The following LRRTM4 variants were observed in gnomAD, a reference collection of about 807,000 sequenced individuals.
LRRTM4 encodes the protein leucine-rich repeat transmembrane neuronal protein 4.
Under a neutral mutation model 47.6 loss-of-function variants are expected in LRRTM4, and 25 were observed. The observed-to-expected ratio is 0.53, with a 90% CI of 0.38 to 0.73. The LOEUF is 0.73. LRRTM4 is among the 30% of genes least tolerant of loss of function. The pLI, the probability that LRRTM4 is intolerant of heterozygous loss-of-function variation, is 0.00. For missense variants in LRRTM4, 638 were observed against 713.4 expected (o/e 0.89, Z 1.20); for synonymous variants, 311 against 269.5 (o/e 1.15, Z -1.51).
chr2:77,331,443 G>T (rs1255880483), intron 3 of LRRTM4, among the ~76,000 whole-genome samples: 1 of 152,162 alleles, frequency 6.6e-6, no homozygotes, highest in Non-Finnish European at 1.5e-5. Context: ...GAATTGGACA[G>T]GGAAAGACAC....
At chr2:76,957,479 T>C (rs1327325908) in intron 3 of LRRTM4, among the ~76,000 whole-genome samples, 2 of 151,828 alleles carry the variant, frequency 1.3e-5, no homozygotes, top group East Asian at 1.9e-4. Flanking sequence ...CTTTACTTGA[T>C]TTTAAAATCT....
intron 3 of LRRTM4, among the ~76,000 whole-genome samples, chr2:77,042,007 C>G (rs747891496): frequency 8.5e-6 from 1 of 117,120 alleles, no homozygotes; most frequent in South Asian, 2.5e-4. Flanking sequence ...CAAGAAAGAA[C>G]AAATAAACAT....
At chr2:77,382,444 T>C (rs1673089966) in intron 3 of LRRTM4, among the ~76,000 whole-genome samples, 1 of 152,050 alleles carries the variant, frequency 6.6e-6, no homozygotes, top group South Asian at 2.1e-4. Flanking sequence ...ACCCAAGAAA[T>C]TGTAAGTCAG....
chr2:76,807,010 A>G (rs1676002033), intron 3 of LRRTM4, among the ~76,000 whole-genome samples: 1 of 152,202 alleles, frequency 6.6e-6, no homozygotes, highest in South Asian at 2.1e-4. Context: ...ATCAGTGAAG[A>G]AAATTTAAAA....
At chr2:77,487,120 C>G (rs759239547) in intron 3 of LRRTM4, among the ~76,000 whole-genome samples, 1 of 152,194 alleles carries the variant, frequency 6.6e-6, no homozygotes, top group Non-Finnish European at 1.5e-5. Flanking sequence ...GTGAGAGAGG[C>G]GCAGCCAGGG....
intron 3 of LRRTM4, among the ~76,000 whole-genome samples, chr2:76,789,711 T>C (rs990446086): frequency 6.6e-6 from 1 of 152,184 alleles, no homozygotes; most frequent in South Asian, 2.1e-4. Context: ...GGAGGAGTGT[T>C]AATCTGGAAT....
chr2:76,837,801 T>A (rs541175877), intron 3 of LRRTM4, among the ~76,000 whole-genome samples: 1 of 151,954 alleles, frequency 6.6e-6, no homozygotes, highest in Non-Finnish European at 1.5e-5. Context: ...ATGGATGAAA[T>A]TGGAAATCAT....
chr2:76,994,589 T>C (rs1677134021), intron 3 of LRRTM4, among the ~76,000 whole-genome samples: 1 of 151,920 alleles, frequency 6.6e-6, no homozygotes, highest in Non-Finnish European at 1.5e-5. Context: ...TGCTTGTAAA[T>C]AGGATAAAAT....
intron 3 of LRRTM4, among the ~76,000 whole-genome samples, chr2:77,085,490 T>G (rs911866943): frequency 6.6e-6 from 1 of 151,888 alleles, no homozygotes; most frequent in African/African-American, 2.4e-5. Context: ...TTAAAATTAT[T>G]AAAGATTTAT....
chr2:77,469,720 A>C (rs201442041), intron 3 of LRRTM4, among the ~76,000 whole-genome samples: 2 of 2,944 alleles, frequency 6.8e-4, no homozygotes, highest in Admixed American at 6.3e-3. Flanking sequence ...GCATATATAT[A>C]TGTATAGCAT....
intron 3 of LRRTM4, among the ~76,000 whole-genome samples, chr2:77,392,715 G>A (rs1460478383): frequency 6.6e-6 from 1 of 152,002 alleles, no homozygotes; most frequent in African/African-American, 2.4e-5. Context: ...ACCAGAGGCT[G>A]TGGGCTGCAG....
At chr2:76,934,375 G>A (rs943305216) in intron 3 of LRRTM4, among the ~76,000 whole-genome samples, 3 of 152,118 alleles carry the variant, frequency 2.0e-5, no homozygotes, top group Non-Finnish European at 2.9e-5. Flanking sequence ...CCAGCATTTA[G>A]ATCCAGTCGT....
chr2:77,496,107 AT>A (rs1006055259), intron 3 of LRRTM4, among the ~76,000 whole-genome samples: 29 of 151,968 alleles, frequency 1.9e-4, no homozygotes, highest in African/African-American at 7.0e-4. Context: ...AGTACTTCAT[AT>A]TTTTATACTA....
intron 3 of LRRTM4, among the ~76,000 whole-genome samples, chr2:76,910,051 G>A (rs1481536187): frequency 6.6e-6 from 1 of 151,854 alleles, no homozygotes; most frequent in Non-Finnish European, 1.5e-5. Flanking sequence ...GAACACGTAT[G>A]TTTATTGTGG....
At position 77,521,833 on chromosome 2, in the gene LRRTM4, C is replaced by A. The variant is rs1245158806; in HGVS notation, c.-147-15G>T. ...CCCCATACAAACTTCCCCGAGAGGA[C>A]AGGCAAAAAAAAAAAAAAAAAATAC... On this transcript the variant is annotated splice_polypyrimidine_tract_variant and intron_variant, in intron 1 of 3. Transcript: ENST00000409884. The A allele has an allele frequency of 2.9e-4, 80 of 279,132 alleles. 1 individual carries two copies. The highest frequency in any genetic ancestry group is 1.7e-3 in the Middle Eastern group (3 of 1,728). 17.3% of individuals were successfully genotyped at this position (279,132 alleles called of 1,614,324 possible).
chr2:76,906,584 G>A (rs146310191), intron 3 of LRRTM4, among the ~76,000 whole-genome samples: 2 of 152,150 alleles, frequency 1.3e-5, no homozygotes, highest in African/African-American at 2.4e-5. Flanking sequence ...CCATCAGTCT[G>A]TTGTATTCAG....
intron 3 of LRRTM4, among the ~76,000 whole-genome samples, chr2:76,953,262 C>A (rs1453731678): frequency 6.6e-6 from 1 of 151,806 alleles, no homozygotes; most frequent in Non-Finnish European, 1.5e-5. Flanking sequence ...CTATTCCAGA[C>A]CTTTTCCCCC....
chr2:76,775,581 A>C (rs1673934360), intron 3 of LRRTM4, among the ~76,000 whole-genome samples: 1 of 152,124 alleles, frequency 6.6e-6, no homozygotes, highest in African/African-American at 2.4e-5. Context: ...TTCCTGTTTT[A>C]CAAGCAAAAG....
intron 3 of LRRTM4, among the ~76,000 whole-genome samples, chr2:77,086,707 C>G (rs920940793): frequency 6.6e-6 from 1 of 151,938 alleles, no homozygotes; most frequent in Non-Finnish European, 1.5e-5. Context: ...ACTGGCCAGG[C>G]TGGTGGCGAA....
Sources: allele counts gnomAD v4.1 joint callset (sites outside exome capture counted in the v4.1 genomes callset), GRCh38; gene constraint gnomAD v4.1.1; transcripts MANE v1.5; gene names NCBI Gene and HGNC (gene_info 2026-07-23, HGNC 2026-07-21).